Variants in NEBL observed in about 807,000 individuals in gnomAD.
The protein encoded by NEBL is nebulette.
Under a neutral mutation model 140.2 loss-of-function variants are expected in NEBL, and 122 were observed. The ratio of observed to expected loss-of-function variants is 0.87; its 90% CI spans 0.75 to 1.01. NEBL has a LOEUF of 1.01. Among genes scored for constraint, NEBL ranks in the 50% least tolerant of loss-of-function variants. NEBL has a pLI of 0.00. For synonymous variants in NEBL, 436 were observed against 398.9 expected (o/e 1.09, Z -1.11); for missense variants, 1,365 against 1,231.3 (o/e 1.11, Z -1.62).
chr10:21,159,497 G>A (rs1029678348), intron 2 of NEBL, among the ~76,000 whole-genome samples: 4 of 152,086 alleles, frequency 2.6e-5, no homozygotes, highest in African/African-American at 7.2e-5. Context: ...CTACCCCATC[G>A]ACCAATTCTT....
chr10:21,150,024 A>G (rs1317277275), intron 2 of NEBL, among the ~76,000 whole-genome samples: 1 of 152,184 alleles, frequency 6.6e-6, no homozygotes, highest in Non-Finnish European at 1.5e-5. Flanking sequence ...GAGGTTCTCT[A>G]CTTAAGTTAT....
At position 20,935,246 on chromosome 10, in the gene NEBL, G is replaced by T. The variant is rs545017246; in HGVS notation, c.357+26426C>A. Among the ~76,000 whole-genome samples, 141 of 152,010 alleles carry T rather than the reference G, an allele frequency of 9.3e-4. 3 individuals carry two copies. The South Asian group carries it at 0.029, about 31-fold the overall frequency. On this transcript the variant is annotated intron_variant, in intron 4 of 6. Transcript: ENST00000417816. ...GAGATTTTGTATAATACACAACATG[G>T]GTATCAATAACAAAGATCACAACAT...
At chr10:20,901,645 T>C (rs1009248076), upstream of NEBL, among the ~76,000 whole-genome samples, 2 of 152,246 alleles carry the variant, frequency 1.3e-5, no homozygotes, top group Admixed American at 1.3e-4. Flanking sequence ...ACATTTCTTA[T>C]TATAAAATAT....
At chr10:21,052,369 A>G (rs1273515763) in intron 2 of NEBL, among the ~76,000 whole-genome samples, 1 of 152,218 alleles carries the variant, frequency 6.6e-6, no homozygotes, top group Non-Finnish European at 1.5e-5. Context: ...TTCCACCTCA[A>G]TTCTCCAACC....
At chr10:21,157,033 T>C (rs1296091232) in intron 2 of NEBL, among the ~76,000 whole-genome samples, 3 of 152,186 alleles carry the variant, frequency 2.0e-5, no homozygotes, top group Non-Finnish European at 4.4e-5. Context: ...GAGAACAATT[T>C]TCTAATTGTT....
At chr10:20,858,528 T>C (rs181115245) in intron 8 of NEBL, among the ~76,000 whole-genome samples, 184 bp from the exon 9 acceptor site, 1 of 152,384 alleles carries the variant, frequency 6.6e-6, no homozygotes, top group Admixed American at 6.5e-5. Flanking sequence ...TATTTCTATA[T>C]GGGCTTGAGA....
In NEBL at chr10:21,148,998, G is replaced by A. The variant is rs981339463; in HGVS notation, c.164+23385C>T. 3.6e-4 allele frequency among the ~76,000 whole-genome samples: 55 copies of A among 152,228 alleles called. 1 individual carries two copies. The highest frequency in any genetic ancestry group is 1.2e-3 in the African/African-American group (51 of 41,464). ...GGTCCTGCCCCATACCCAGGAGGAA[G>A]GAATCCTGCACAGAGAGCCCAAGAA... On this transcript the variant is annotated intron_variant, in intron 2 of 6. Transcript: ENST00000417816.
chr10:21,049,827 A>G (rs1178636802), intron 2 of NEBL, among the ~76,000 whole-genome samples: 1 of 152,186 alleles, frequency 6.6e-6, no homozygotes, highest in East Asian at 1.9e-4. Flanking sequence ...GGCAAAGTGA[A>G]CTGTCTATTA....
At chr10:21,263,807 A>G (rs1158319484) in intron 1 of NEBL, among the ~76,000 whole-genome samples, 5 of 152,136 alleles carry the variant, frequency 3.3e-5, no homozygotes, top group Admixed American at 2.0e-4. Context: ...TCTACTAAAA[A>G]TACAAAAATT....
chr10:20,963,058 A>G (rs1425480121), intron 3 of NEBL, among the ~76,000 whole-genome samples: 2 of 151,320 alleles, frequency 1.3e-5, no homozygotes, highest in Non-Finnish European at 2.9e-5. Flanking sequence ...GGAAATCTAG[A>G]TACTCTCATC....
At chr10:21,053,526 A>T (rs1433437660) in intron 2 of NEBL, among the ~76,000 whole-genome samples, 1 of 152,204 alleles carries the variant, frequency 6.6e-6, no homozygotes, top group Admixed American at 6.5e-5. Flanking sequence ...TAGTTAAGGA[A>T]AAAGATAATA....
At chr10:21,055,220 A>G (rs1226670325) in intron 2 of NEBL, among the ~76,000 whole-genome samples, 1 of 152,240 alleles carries the variant, frequency 6.6e-6, no homozygotes, top group African/African-American at 2.4e-5. Context: ...GAAATTGGAA[A>G]AAGTCCAAGC....
intron 3 of NEBL, among the ~76,000 whole-genome samples, chr10:20,978,535 T>C (rs902464414): frequency 1.3e-5 from 2 of 151,846 alleles, no homozygotes; most frequent in African/African-American, 4.8e-5. Context: ...GGTGGAAGGA[T>C]TGGTTGAGGC....
chr10:21,052,058 A>G (rs1212156256), intron 2 of NEBL, among the ~76,000 whole-genome samples: 2 of 152,182 alleles, frequency 1.3e-5, no homozygotes, highest in Non-Finnish European at 2.9e-5. Flanking sequence ...AAATAAAAAC[A>G]TGTATTTTTT....
At chr10:20,896,418 T>C (rs1341946846) in intron 2 of NEBL, among the ~76,000 whole-genome samples, 1 of 148,828 alleles carries the variant, frequency 6.7e-6, no homozygotes, top group Non-Finnish European at 1.5e-5. Flanking sequence ...CTTGCACTAA[T>C]ATCAGGGTTC....
chr10:21,145,834 G>A (rs1336714425), intron 2 of NEBL, among the ~76,000 whole-genome samples: 1 of 152,208 alleles, frequency 6.6e-6, no homozygotes, highest in East Asian at 1.9e-4. Flanking sequence ...GAGTAACTCA[G>A]TAATTGCTTG....
In NEBL at chr10:21,077,059, C is replaced by T. The variant is rs115663559; in HGVS notation, c.165-56858G>A. Among the ~76,000 whole-genome samples, 494 of 152,144 alleles carry T rather than the reference C, an allele frequency of 3.2e-3. 3 individuals are homozygous for T. Among genetic ancestry groups the T allele is most frequent in the African/African-American group, 0.011 (459 of 41,500 alleles). On this transcript the variant is annotated intron_variant, in intron 2 of 6. Transcript: ENST00000417816. ...TGTTAAAATGGTAACCTTTATGTTA[C>T]GTATATCTTACCACAATTTAAAAAT...
chr10:20,805,847 C>T (rs761548935), intron 26 of NEBL, among the ~76,000 whole-genome samples: 7 of 122,226 alleles, frequency 5.7e-5, no homozygotes, highest in African/African-American at 1.1e-4. Flanking sequence ...AGCGAGACTC[C>T]GTCTCAAAAA....
intron 7 of NEBL, among the ~76,000 whole-genome samples, chr10:20,865,785 G>T (rs1363050884): frequency 6.6e-6 from 1 of 152,142 alleles, no homozygotes; most frequent in Non-Finnish European, 1.5e-5. Flanking sequence ...AAAGTCCCTT[G>T]TTAACTGTAA....
Sources: gnomAD v4.1 joint callset for allele counts (sites outside exome capture counted in the v4.1 genomes callset) on GRCh38, gnomAD v4.1.1 for gene constraint, MANE v1.5 for transcripts, NCBI Gene and HGNC (gene_info 2026-07-23, HGNC 2026-07-21) for gene names.